Variants in POU2F2 observed in about 807,000 individuals in gnomAD.
The protein encoded by POU2F2 is POU class 2 homeobox 2.
Under a neutral mutation model 63.5 loss-of-function variants are expected in POU2F2, and 14 were observed. The observed-to-expected ratio is 0.22, with a 90% CI of 0.15 to 0.34. The LOEUF is 0.34. Ranked by LOEUF, POU2F2 falls within the 10% of genes least tolerant of loss-of-function variation. The pLI, the probability that POU2F2 is intolerant of heterozygous loss-of-function variation, is 1.00. For synonymous variants in POU2F2, 306 were observed against 348.6 expected (o/e 0.88, Z 1.36); for missense variants, 607 against 815.2 (o/e 0.74, Z 3.11).
intron 2 of POU2F2, among the ~76,000 whole-genome samples, chr19:42,146,480 A>G (rs2034236525): frequency 6.6e-6 from 1 of 152,202 alleles, no homozygotes; most frequent in Admixed American, 6.5e-5. Context: ...TTGATTCACA[A>G]CAATTCTGGG....
rs2034380465 is a variant in POU2F2, at chr19:42,152,804, C to A, written c.-9+7528G>T. On this transcript the variant is annotated intron_variant, in intron 2 of 6. Coordinates refer to the POU2F2 transcript ENST00000524801. The surrounding 1 kb of genome is among the most constrained non-coding windows in gnomAD (Gnocchi z 4.1). The stretch of plus-strand genomic sequence containing the variant: ...TTGAGGGACAATTTCTGGGAGAAAG[C>A]AGGCATCCCCTCAATTGGGAGCAGC... The A allele has an allele frequency of 6.6e-6, 1 of 152,332 alleles. No homozygotes were observed. The highest frequency in any genetic ancestry group is 1.5e-5 in the Non-Finnish European group (1 of 68,114). The allele number at this position is 152,332 out of a possible 1,614,324, so 9.4% of individuals were successfully genotyped here. A position where few individuals can be genotyped will look rare whatever the true frequency, so the allele number is the denominator to read the frequency against.
At chr19:42,158,450 T>C (rs945891030) in intron 2 of POU2F2, among the ~76,000 whole-genome samples, 1 of 152,218 alleles carries the variant, frequency 6.6e-6, no homozygotes, top group East Asian at 1.9e-4. Flanking sequence ...CAGGTTCAAA[T>C]TCTAACTCTA....
chr19:42,138,733 G>C (rs1218993707), intron 2 of POU2F2, among the ~76,000 whole-genome samples: 1 of 152,042 alleles, frequency 6.6e-6, no homozygotes, highest in Non-Finnish European at 1.5e-5. Context: ...TGAGAAGTGG[G>C]TGCTGGGCTG....
At chr19:42,136,820 C>A (rs1599646424), upstream of POU2F2, 1 of 152,308 alleles carries the variant, frequency 6.6e-6, no homozygotes, top group Non-Finnish European at 1.5e-5. Context: ...ACGCCCACAG[C>A]CTTCGAGTCA....
rs1338675840 is a variant in POU2F2 at position 42,156,123 on chromosome 19, G to A, written c.-9+4209C>T. 2.6e-5 allele frequency: 4 copies of A among 152,186 alleles called. No homozygotes were observed. Among genetic ancestry groups the A allele is most frequent in the African/African-American group, 9.7e-5 (4 of 41,414 alleles). 9.4% of individuals were successfully genotyped at this position (152,186 alleles called of 1,614,324 possible). On this transcript the variant is annotated intron_variant, in intron 2 of 6. Transcript: ENST00000524801. This position sits in a 1 kb window ranked among gnomAD's most constrained non-coding sequence, Gnocchi z 4.1. The stretch of plus-strand genomic sequence containing the variant: ...AGGAACGTCTCTCTATTTGAAGTCA[G>A]AGCCGAGTGCCTGCTCTCGGCACCT...
At chr19:42,122,203 C>G (rs1214276026) in intron 3 of POU2F2, 21 bp from the exon 4 acceptor site, 3 of 1,608,290 alleles carry the variant, frequency 1.9e-6, no homozygotes, top group Non-Finnish European at 2.6e-6. Flanking sequence ...AAAGTAGGAG[C>G]AAGGGGATGG....
chr19:42,178,049 G>T, upstream of POU2F2, among the ~76,000 whole-genome samples: 1 of 152,044 alleles, frequency 6.6e-6, no homozygotes, highest in South Asian at 2.1e-4. Flanking sequence ...GAGACAAAGA[G>T]GAAAAGGAGA....
chr19:42,106,515 G>GTA (rs2030038543), intron 5 of POU2F2, among the ~76,000 whole-genome samples: 1 of 152,172 alleles, frequency 6.6e-6, no homozygotes, highest in South Asian at 2.1e-4. Context: ...TTCCTACTGG[G>GTA]TACTGTGTTC....
intron 2 of POU2F2, among the ~76,000 whole-genome samples, chr19:42,143,955 C>T (rs1410745582): frequency 2.0e-5 from 3 of 152,114 alleles, no homozygotes; most frequent in African/African-American, 7.2e-5. Context: ...CTTCAAGCCT[C>T]GTGTCACGTG....
At chr19:42,181,732 G>A (rs533663841) in intron 1 of POU2F2, among the ~76,000 whole-genome samples, 8 of 152,078 alleles carry the variant, frequency 5.3e-5, no homozygotes, top group East Asian at 1.9e-4. Flanking sequence ...GATTACAGGC[G>A]CATGCCACCA....
At chr19:42,113,228 G>GT (rs1418290997) in intron 5 of POU2F2, among the ~76,000 whole-genome samples, 1 of 152,094 alleles carries the variant, frequency 6.6e-6, no homozygotes, top group African/African-American at 2.4e-5. Context: ...AACTGTTAAC[G>GT]TAAGTTTTCA....
rs1014718410 is a variant in POU2F2, at chr19:42,092,918, C to G, written c.1265-648G>C. Reference sequence around the variant, plus strand: ...TACTATTTTCTAGCCTGGGGAGGGGCAACGTGTTGTTTTATGTGTATATAT... The same window carrying G: ...TACTATTTTCTAGCCTGGGGAGGGGGAACGTGTTGTTTTATGTGTATATAT... On this transcript the variant is annotated intron_variant, in intron 12 of 14. Coordinates refer to ENST00000692977, the MANE Select transcript of POU2F2 (RefSeq NM_001394376.1). The surrounding 1 kb of genome is among the most constrained non-coding windows in gnomAD (Gnocchi z 5.0). 6.7e-6 allele frequency among the ~76,000 whole-genome samples: 1 copy of G among 148,764 alleles called. No individual in the cohort carries two copies. Among genetic ancestry groups the G allele is most frequent in the Non-Finnish European group, 1.5e-5 (1 of 67,530 alleles).
chr19:42,110,283 G>T (rs955119149), intron 5 of POU2F2, among the ~76,000 whole-genome samples: 6 of 152,006 alleles, frequency 3.9e-5, no homozygotes, highest in African/African-American at 1.5e-4. Context: ...CTAAAAAAAT[G>T]AATAACTACA....
At chr19:42,101,004 C>A (rs1388575592) in intron 5 of POU2F2, among the ~76,000 whole-genome samples, 1 of 152,086 alleles carries the variant, frequency 6.6e-6, no homozygotes, top group Non-Finnish European at 1.5e-5. Context: ...GAGGCTGAGG[C>A]AGGAGAATCG....
intron 5 of POU2F2, chr19:42,110,399 G>T (rs2030885982): frequency 6.4e-6 from 1 of 157,020 alleles, no homozygotes; most frequent in African/African-American, 2.4e-5. Context: ...GGGAGTGGGT[G>T]CCTGCCATGG....
chr19:42,096,036 G>GCCACGCCC lies in POU2F2; in HGVS notation c.729+38_729+45dup, dbSNP rs1247364313. ...CGCCCCTCGCGGCATCTATCAACTG[G>GCCACGCCC]CCACGCCCCCACGCCCACCGCCCAG... On this transcript the variant is annotated intron_variant, in intron 8 of 14. Transcript: ENST00000692977. This position sits in a 1 kb window ranked among gnomAD's most constrained non-coding sequence, Gnocchi z 4.1. The GCCACGCCC allele has an allele frequency of 7.5e-6, 12 of 1,610,316 alleles. No individual in the cohort carries two copies. Among genetic ancestry groups the GCCACGCCC allele is most frequent in the Admixed American group, 3.4e-5 (2 of 59,386 alleles).
rs760668134 is a variant in POU2F2, at chr19:42,110,094, AT to A, written c.369+7155del. Among the ~76,000 whole-genome samples, 935 of 141,316 alleles carry A rather than the reference AT, an allele frequency of 6.6e-3. 2 individuals carry two copies. Among genetic ancestry groups the A allele is most frequent in the Middle Eastern group, 7.4e-3 (2 of 272 alleles). The allele number at this position is 141,316 out of a possible 152,430, so 92.7% of individuals were successfully genotyped here. ...AACATAGTGAAACCCCATCTCCACA[AT>A]TTTTTTTTTTTTTTTTACTTATCCA... is the stretch of plus-strand genomic sequence containing the variant. On this transcript the variant is annotated intron_variant, in intron 5 of 14. Coordinates refer to ENST00000692977, the MANE Select transcript of POU2F2 (RefSeq NM_001394376.1).
chr19:42,149,449 C>A (rs867057826), intron 2 of POU2F2, among the ~76,000 whole-genome samples: 1 of 151,664 alleles, frequency 6.6e-6, no homozygotes, highest in Admixed American at 6.6e-5. Flanking sequence ...GGATGTGGGG[C>A]GCAGGCAGGG....
At chr19:42,130,149 AC>A (rs1285668957) in intron 1 of POU2F2, among the ~76,000 whole-genome samples, 1 of 152,096 alleles carries the variant, frequency 6.6e-6, no homozygotes, top group Admixed American at 6.5e-5. Context: ...GGAGTCGAAC[AC>A]AGACATACAC....
Sources: gnomAD v4.1 joint callset for allele counts (sites outside exome capture counted in the v4.1 genomes callset) on GRCh38, gnomAD v4.1.1 for gene constraint, Gnocchi (gnomAD v3.1) non-coding constraint, MANE v1.5 for transcripts, NCBI Gene and HGNC (gene_info 2026-07-23, HGNC 2026-07-21) for gene names.